ADAM22: variants seen among roughly 807,000 people sequenced by gnomAD.
The protein encoded by ADAM22 is disintegrin and metalloproteinase domain-containing protein 22.
Under a neutral mutation model 144.6 loss-of-function variants are expected in ADAM22, and 65 were observed. That is an observed-to-expected ratio of 0.45 (90% confidence interval 0.37 to 0.55). The LOEUF is 0.55. Ranked by LOEUF, ADAM22 falls within the 20% of genes least tolerant of loss-of-function variation. ADAM22 has a pLI of 0.00. For synonymous variants in ADAM22, 391 were observed against 412.6 expected, an observed-to-expected ratio of 0.95 and a Z score of 0.63; for missense variants, 974 against 1,184.9, an observed-to-expected ratio of 0.82 and a Z score of 2.61.
intron 3 of ADAM22, among the ~76,000 whole-genome samples, chr7:87,989,472 G>A (rs141609152): frequency 1.6e-4 from 24 of 152,216 alleles, no homozygotes; most frequent in South Asian, 2.1e-4. Flanking sequence ...TGATTATAGC[G>A]CACTACAGCC....
chr7:88,100,203 C>A (rs544921976), intron 4 of ADAM22, among the ~76,000 whole-genome samples: 1 of 152,112 alleles, frequency 6.6e-6, no homozygotes, highest in Non-Finnish European at 1.5e-5. Flanking sequence ...AAAAGGAAAA[C>A]AGTTGATATT....
chr7:88,141,154 G>C (rs921506256), intron 14 of ADAM22, among the ~76,000 whole-genome samples: 4 of 152,190 alleles, frequency 2.6e-5, no homozygotes, highest in African/African-American at 9.6e-5. Context: ...AGTGTTTGTC[G>C]GGAGCTGGTT....
intron 15 of ADAM22, 60 bp from the exon 16 acceptor site, chr7:88,145,065 C>T (rs927288503): frequency 2.5e-5 from 38 of 1,505,852 alleles, no homozygotes; most frequent in Non-Finnish European, 3.4e-5. Flanking sequence ...CTTATGGTCT[C>T]TCAAAGTCTT....
At chr7:87,970,451 A>G (rs1305143900) in intron 2 of ADAM22, among the ~76,000 whole-genome samples, 1 of 152,176 alleles carries the variant, frequency 6.6e-6, no homozygotes, top group Non-Finnish European at 1.5e-5. Flanking sequence ...TTTGATTGGT[A>G]ATATTCCCAC....
intron 3 of ADAM22, among the ~76,000 whole-genome samples, chr7:88,065,356 C>G (rs1055418418): frequency 1.3e-5 from 2 of 151,844 alleles, no homozygotes; most frequent in African/African-American, 4.8e-5. Context: ...TTCGTTTAAC[C>G]AAGTATCTAT....
chr7:88,013,480 A>G (rs1261244461), intron 3 of ADAM22, among the ~76,000 whole-genome samples: 1 of 152,192 alleles, frequency 6.6e-6, no homozygotes, highest in East Asian at 1.9e-4. Context: ...GCTGGAGTGC[A>G]GTGATACAGT....
chr7:88,100,317 A>AT (rs1030115093), intron 4 of ADAM22, among the ~76,000 whole-genome samples: 1 of 152,124 alleles, frequency 6.6e-6, no homozygotes, highest in Non-Finnish European at 1.5e-5. Context: ...ACTTATTTTT[A>AT]TTTTTTTGAC....
chr7:87,950,501 G>C lies in ADAM22; in HGVS notation c.246+15315G>C, dbSNP rs555509875. ...TTTTATGGCTGCATAGTATTCCAGGGTGTATATGTGCCACATTTTCTTAAT... is the reference window on the plus strand; with the variant it reads ...TTTTATGGCTGCATAGTATTCCAGGCTGTATATGTGCCACATTTTCTTAAT... On this transcript the variant is annotated intron_variant, in intron 2 of 31. Coordinates refer to ENST00000413139, the MANE Select transcript of ADAM22 (RefSeq NM_001324418.2). 9.3e-3 allele frequency among the ~76,000 whole-genome samples: 1,380 copies of C among 148,464 alleles called. 43 individuals carry two copies. The highest frequency in any genetic ancestry group is 0.034 in the African/African-American group (1,318 of 39,178).
intron 3 of ADAM22, among the ~76,000 whole-genome samples, chr7:88,007,991 A>G (rs1451353667): frequency 1.3e-5 from 2 of 152,230 alleles, no homozygotes; most frequent in East Asian, 1.9e-4. Flanking sequence ...AATTTTTGCA[A>G]CCTACTCATC....
chr7:88,078,172 G>A (rs191965787), intron 4 of ADAM22, among the ~76,000 whole-genome samples: 1 of 152,268 alleles, frequency 6.6e-6, no homozygotes, highest in African/African-American at 2.4e-5. Context: ...GAACGATCAG[G>A]CAGCAGCATT....
intron 13 of ADAM22, among the ~76,000 whole-genome samples, chr7:88,135,736 T>C (rs1832857972): frequency 6.6e-6 from 1 of 152,216 alleles, no homozygotes; most frequent in South Asian, 2.1e-4. Flanking sequence ...ATGGTTTAAA[T>C]ATGGCCATTT....
At chr7:88,036,394 G>C (rs931645478) in intron 3 of ADAM22, among the ~76,000 whole-genome samples, 2 of 152,120 alleles carry the variant, frequency 1.3e-5, no homozygotes, top group Non-Finnish European at 2.9e-5. Flanking sequence ...GCATTCTAAT[G>C]AGGGCTGGGG....
chr7:87,945,438 G>A (rs950524326), intron 2 of ADAM22, among the ~76,000 whole-genome samples: 2 of 151,912 alleles, frequency 1.3e-5, no homozygotes, highest in Admixed American at 6.6e-5. Flanking sequence ...AATAAGGATA[G>A]GATTTTGAAA....
chr7:88,085,248 A>C (rs1334799535), intron 4 of ADAM22, among the ~76,000 whole-genome samples: 1 of 152,130 alleles, frequency 6.6e-6, no homozygotes, highest in Non-Finnish European at 1.5e-5. Context: ...TCAAAGCTAA[A>C]CTCTAAGAGC....
chr7:88,028,213 T>G (rs1275663770), intron 3 of ADAM22, among the ~76,000 whole-genome samples: 1 of 152,232 alleles, frequency 6.6e-6, no homozygotes, highest in Non-Finnish European at 1.5e-5. Flanking sequence ...ATTTTAAAAT[T>G]TCCTTCTTTA....
intron 7 of ADAM22, among the ~76,000 whole-genome samples, chr7:88,118,639 A>ATATCTATC (rs528203863): frequency 1.9e-5 from 2 of 103,918 alleles, no homozygotes; most frequent in Non-Finnish European, 3.9e-5. Context: ...ATAACCTTAT[A>ATATCTATC]TATCTATCTA....
chr7:88,082,417 A>G (rs1416028771), intron 4 of ADAM22, among the ~76,000 whole-genome samples: 2 of 152,210 alleles, frequency 1.3e-5, no homozygotes, highest in African/African-American at 4.8e-5. Context: ...CATTCAGGAC[A>G]TAGGCATGGG....
intron 3 of ADAM22, among the ~76,000 whole-genome samples, chr7:88,001,967 G>GT (rs1000252368): frequency 9.9e-5 from 15 of 150,880 alleles, no homozygotes; most frequent in Admixed American, 2.0e-4. Flanking sequence ...GGAGGTCAGG[G>GT]TTTTTTTTTA....
intron 7 of ADAM22, among the ~76,000 whole-genome samples, chr7:88,118,979 C>T (rs1828542592): frequency 1.3e-5 from 2 of 152,190 alleles, no homozygotes; most frequent in South Asian, 2.1e-4. Flanking sequence ...TTATAGATTA[C>T]ATAAAGTTTA....
Sources: allele counts gnomAD v4.1 joint callset (sites outside exome capture counted in the v4.1 genomes callset), GRCh38; gene constraint gnomAD v4.1.1; transcripts MANE v1.5; gene names NCBI Gene and HGNC (gene_info 2026-07-23, HGNC 2026-07-21).